Variants in SPPL3 observed in about 807,000 individuals in gnomAD.
SPPL3 encodes signal peptide peptidase like 3.
Under a neutral mutation model 42.4 loss-of-function variants are expected in SPPL3, and 5 were observed. The observed-to-expected ratio is 0.12, with a 90% CI of 0.06 to 0.25. The LOEUF is 0.25. SPPL3 is among the 10% of genes least tolerant of loss of function. The pLI, the probability that SPPL3 is intolerant of heterozygous loss-of-function variation, is 1.00. For missense variants in SPPL3, 235 were observed against 489.0 expected (o/e 0.48, Z 4.90); for synonymous variants, 195 against 181.8 (o/e 1.07, Z -0.58).
intron 5 of SPPL3, 111 bp downstream of exon 5, chr12:120,783,563 A>G (rs1592960148): frequency 9.8e-7 from 1 of 1,018,484 alleles, no homozygotes. Context: ...GTCTTTTGGC[A>G]TTTCTGTGCT....
chr12:120,861,455 A>AT (rs892136206), intron 1 of SPPL3, among the ~76,000 whole-genome samples: 25 of 151,934 alleles, frequency 1.6e-4, no homozygotes, highest in Non-Finnish European at 2.2e-4. Context: ...AAAGAGTAAG[A>AT]TTTTTTTTTA....
At position 120,853,976 on chromosome 12, in the gene SPPL3, G is replaced by GCACACACACA. The variant is rs1246999754; in HGVS notation, c.24-43091_24-43090insTGTGTGTGTG. ...CAAACACCACCACCACCACACACAC[G>GCACACACACA]CACACATACACACACACACACACAC... On this transcript the variant is annotated intron_variant, in intron 1 of 10. Transcript: ENST00000353487. 7.2e-4 allele frequency among the ~76,000 whole-genome samples: 46 copies of GCACACACACA among 64,158 alleles called. 1 individual carries two copies. Among genetic ancestry groups the GCACACACACA allele is most frequent in the East Asian group, 1.4e-3 (3 of 2,072 alleles). The allele number at this position is 64,158 out of a possible 152,430, so 42.1% of individuals were successfully genotyped here. A position where few individuals can be genotyped will look rare whatever the true frequency, so the allele number is the denominator to read the frequency against.
intron 1 of SPPL3, among the ~76,000 whole-genome samples, chr12:120,849,183 CA>C (rs933071716): frequency 3.3e-5 from 5 of 151,580 alleles, no homozygotes; most frequent in African/African-American, 1.2e-4. Flanking sequence ...AGGAAGAAAA[CA>C]AAAAACAAAA....
chr12:120,866,388 T>A (rs1872755011), intron 1 of SPPL3, among the ~76,000 whole-genome samples: 1 of 151,114 alleles, frequency 6.6e-6, no homozygotes, highest in Non-Finnish European at 1.5e-5. Context: ...CATTAGGAAA[T>A]TCCTATTACG....
At position 120,764,222 on chromosome 12, in the gene SPPL3, C is replaced by A. The variant is rs757076028; in HGVS notation, c.*777G>T. ...TACAAGGAAGCCACAGTAAACTGCTCGACATGCTCAAAACGACAGCAAGCC... is the reference window on the plus strand; with the variant it reads ...TACAAGGAAGCCACAGTAAACTGCTAGACATGCTCAAAACGACAGCAAGCC... On this transcript the variant is annotated 3_prime_UTR_variant, in exon 11 of 11. Transcript: ENST00000353487. 1 of 152,318 alleles carries A rather than the reference C, an allele frequency of 6.6e-6. No homozygotes were observed. Among genetic ancestry groups the A allele is most frequent in the African/African-American group, 2.4e-5 (1 of 41,442 alleles). The allele number at this position is 152,318 out of a possible 1,614,324, so 9.4% of individuals were successfully genotyped here.
At chr12:120,768,273 A>G in intron 8 of SPPL3, 52 bp downstream of exon 8, 1 of 1,563,762 alleles carries the variant, frequency 6.4e-7, no homozygotes, top group African/African-American at 1.4e-5. Context: ...CAAGGCCGGG[A>G]ACAGATAGGC....
At chr12:120,873,052 A>G (rs1872976966) in intron 1 of SPPL3, among the ~76,000 whole-genome samples, 1 of 152,260 alleles carries the variant, frequency 6.6e-6, no homozygotes, top group Non-Finnish European at 1.5e-5. Context: ...TGGAATTAGA[A>G]CACAAGGACG....
intron 1 of SPPL3, among the ~76,000 whole-genome samples, chr12:120,889,919 G>A (rs1873579395): frequency 6.6e-6 from 1 of 152,058 alleles, no homozygotes; most frequent in African/African-American, 2.4e-5. Flanking sequence ...AGCAATTTAA[G>A]ACATCCCATA....
chr12:120,781,538 C>T (rs112344231), intron 6 of SPPL3, among the ~76,000 whole-genome samples: 2,097 of 139,206 alleles, frequency 0.015, 31 homozygotes, highest in Admixed American at 0.039. Context: ...AGTCTAATCC[C>T]ATCTCCTTAT....
At chr12:120,826,612 G>A (rs11065282) in intron 1 of SPPL3, among the ~76,000 whole-genome samples, 2 of 151,926 alleles carry the variant, frequency 1.3e-5, no homozygotes, top group African/African-American at 4.8e-5. Flanking sequence ...CTGCAAAATC[G>A]CTCCATAAAG....
At chr12:120,867,777 G>A (rs1203615777) in intron 1 of SPPL3, among the ~76,000 whole-genome samples, 1 of 151,578 alleles carries the variant, frequency 6.6e-6, no homozygotes, top group Admixed American at 6.6e-5. Context: ...ACAGAGTCTC[G>A]CTCTGTTGTC....
chr12:120,785,294 C>A (rs985766341), intron 3 of SPPL3, among the ~76,000 whole-genome samples: 2 of 151,574 alleles, frequency 1.3e-5, no homozygotes, highest in African/African-American at 4.9e-5. Flanking sequence ...TTTTAAGGTA[C>A]CAGAATAGGA....
intron 1 of SPPL3, among the ~76,000 whole-genome samples, chr12:120,814,166 AC>A (rs1458805902): frequency 1.3e-5 from 2 of 152,208 alleles, no homozygotes; most frequent in Non-Finnish European, 2.9e-5. Context: ...TTCCCCCCAC[AC>A]CAGGCTTTGA....
chr12:120,830,607 A>AGAGAGAGAGAGAGAGAG (rs1555251066), intron 1 of SPPL3, among the ~76,000 whole-genome samples: 29 of 39,952 alleles, frequency 7.3e-4, no homozygotes, highest in East Asian at 1.3e-3. Context: ...GAGAGAGAGA[A>AGAGAGAGAGAGAGAGAG]GGTGTACATG....
intron 1 of SPPL3, 27 bp downstream of exon 1, chr12:120,903,818 C>G: frequency 6.8e-7 from 1 of 1,465,056 alleles, no homozygotes; most frequent in Non-Finnish European, 9.0e-7. Flanking sequence ...CTTGCCGCCT[C>G]CCGGCCTCCC....
intron 3 of SPPL3, among the ~76,000 whole-genome samples, chr12:120,785,867 C>A: frequency 7.6e-6 from 1 of 131,408 alleles, no homozygotes. Flanking sequence ...GTTCCAGCTA[C>A]TTGGGAGGCT....
chr12:120,845,128 G>A lies in SPPL3; in HGVS notation c.24-34242C>T, dbSNP rs539205790. On this transcript the variant is annotated intron_variant, in intron 1 of 10. Coordinates refer to ENST00000353487, the MANE Select transcript of SPPL3 (RefSeq NM_139015.5). ...TCGCATTCACTTCTGGTTCCGGAGC[G>A]GACTAGACAGCCAGCCCAGTCCTTG... 95 of 438,716 alleles carry A rather than the reference G, an allele frequency of 2.2e-4. No homozygotes were observed. In the Admixed American group the frequency reaches 2.3e-3, roughly 11 times the overall value. The allele number at this position is 438,716 out of a possible 1,614,324, so 27.2% of individuals were successfully genotyped here.
chr12:120,833,951 C>A (rs1487100990), intron 1 of SPPL3, among the ~76,000 whole-genome samples: 1 of 152,074 alleles, frequency 6.6e-6, no homozygotes, highest in Non-Finnish European at 1.5e-5. Flanking sequence ...TGTGAGTCTG[C>A]ACAGTACTGA....
chr12:120,774,122 TAAG>T (rs1344228386), intron 6 of SPPL3, among the ~76,000 whole-genome samples: 62 of 152,286 alleles, frequency 4.1e-4, no homozygotes, highest in East Asian at 1.3e-3. Context: ...ACCTTCCAAA[TAAG>T]AAAGTCTGGG....
Sources: gnomAD v4.1 joint callset for allele counts (sites outside exome capture counted in the v4.1 genomes callset) on GRCh38, gnomAD v4.1.1 for gene constraint, MANE v1.5 for transcripts, NCBI Gene and HGNC (gene_info 2026-07-23, HGNC 2026-07-21) for gene names.